DPP10: variants seen among roughly 807,000 people sequenced by gnomAD.
DPP10 encodes dipeptidyl peptidase like 10, also known as inactive dipeptidyl peptidase 10.
A neutral mutation model predicts 120.9 loss-of-function variants in DPP10; 33 were observed. The observed-to-expected ratio is 0.27, with a 90% CI of 0.21 to 0.37. DPP10 has a LOEUF of 0.37. DPP10 is among the 10% of genes least tolerant of loss of function. The pLI is 1.00. For missense variants in DPP10, 816 were observed against 942.8 expected (o/e 0.87, Z 1.76); for synonymous variants, 337 against 326.1 (o/e 1.03, Z -0.36).
intron 3 of DPP10, among the ~76,000 whole-genome samples, chr2:115,350,776 C>G (rs1380659473): frequency 6.6e-6 from 1 of 152,032 alleles, no homozygotes; most frequent in East Asian, 1.9e-4. Context: ...CTTTTTTCTT[C>G]CACTAATCCA....
intron 5 of DPP10, among the ~76,000 whole-genome samples, chr2:115,572,707 A>G (rs1314016691): frequency 6.6e-6 from 1 of 152,214 alleles, no homozygotes; most frequent in Non-Finnish European, 1.5e-5. Flanking sequence ...ATATTTCTCT[A>G]GGGACCTTTA....
rs573607838 is a variant in DPP10 at position 115,409,929 on chromosome 2, G to A, written c.271+66017G>A. ...ACTCGGGATTGGAAAACTCAACATC[G>A]TGTGTTCTCACATATAAGCAGGAGC... On this transcript the variant is annotated intron_variant, in intron 3 of 25. Transcript: ENST00000410059. Among the ~76,000 whole-genome samples the A allele has an allele frequency of 1.5e-4, 23 of 152,288 alleles. No homozygotes were observed. The South Asian group carries it at 2.5e-3, about 16-fold the overall frequency.
At chr2:115,664,534 C>T (rs113471232) in intron 5 of DPP10, among the ~76,000 whole-genome samples, 3,003 of 151,562 alleles carry the variant, frequency 0.02, 87 homozygotes, top group African/African-American at 0.067. Context: ...AAAAAAAAAA[C>T]TAATAATAAA....
intron 1 of DPP10, among the ~76,000 whole-genome samples, chr2:114,828,023 T>C (rs1686721354): frequency 6.6e-6 from 1 of 152,076 alleles, no homozygotes; most frequent in East Asian, 1.9e-4. Flanking sequence ...TTTATTTATT[T>C]ATTCATTTTG....
chr2:114,725,857 A>T (rs1397461929), intron 1 of DPP10, among the ~76,000 whole-genome samples: 1 of 152,184 alleles, frequency 6.6e-6, no homozygotes, highest in Non-Finnish European at 1.5e-5. Context: ...ACTTCCCTGC[A>T]TCTCCTAAAC....
chr2:115,165,713 C>G (rs570333433), intron 1 of DPP10, among the ~76,000 whole-genome samples: 1 of 152,148 alleles, frequency 6.6e-6, no homozygotes, highest in African/African-American at 2.4e-5. Context: ...ACATTTCCAC[C>G]AGGTGGCACC....
chr2:114,508,034 T>C (rs1311084917), intron 1 of DPP10, among the ~76,000 whole-genome samples: 1 of 152,158 alleles, frequency 6.6e-6, no homozygotes, highest in African/African-American at 2.4e-5. Flanking sequence ...CTTTCCTCTT[T>C]CTTTCCTTTC....
chr2:115,075,095 C>G (rs1348952859), intron 1 of DPP10, among the ~76,000 whole-genome samples: 1 of 152,132 alleles, frequency 6.6e-6, no homozygotes, highest in Admixed American at 6.6e-5. Flanking sequence ...CCAGTGAAGC[C>G]ATGAGTGTGG....
intron 4 of DPP10, among the ~76,000 whole-genome samples, chr2:115,519,993 G>A (rs2077709643): frequency 6.6e-6 from 1 of 152,146 alleles, no homozygotes; most frequent in African/African-American, 2.4e-5. Context: ...ATGAGATTGA[G>A]TAGTGAGGGA....
At chr2:114,831,729 G>C (rs954488901) in intron 1 of DPP10, among the ~76,000 whole-genome samples, 4 of 151,948 alleles carry the variant, frequency 2.6e-5, no homozygotes, top group Non-Finnish European at 5.9e-5. Flanking sequence ...AAGTTGCAGA[G>C]TACAATTTAA....
At chr2:114,492,916 AG>A in intron 1 of DPP10, among the ~76,000 whole-genome samples, 2 of 152,320 alleles carry the variant, frequency 1.3e-5, no homozygotes, top group Admixed American at 1.3e-4. Flanking sequence ...CTGGGGACAC[AG>A]GTATGAGCAG....
Position 115,343,871 on chromosome 2 carries a change from A to G in DPP10, c.230A>G (p.Lys77Arg), listed in dbSNP as rs773562921. Reference protein sequence around the residue: ...TRLSLEDLFRKDFVLHDPEAR... With the variant: ...TRLSLEDLFRRDFVLHDPEAR... ...TTGTCTTTGGAAGACCTCTTTAGGA[A>G]AGACTTTGTGCTTCACGATCCAGAG... The change falls in exon 3 of 26, where the codon AAA becomes AGA. Residue 77 changes from lysine to arginine, a missense_variant. Around this residue, in one of 3 missense-constraint regions of DPP10, gnomAD observed 182 missense variants for 207.4 expected, o/e 0.88. Transcript: ENST00000410059. 3 of 1,612,138 alleles carry G rather than the reference A, an allele frequency of 1.9e-6. No homozygotes were observed. The highest frequency in any genetic ancestry group is 3.3e-5 in the Admixed American group (2 of 59,828).
intron 3 of DPP10, among the ~76,000 whole-genome samples, chr2:115,444,960 C>T (rs116061274): frequency 0.011 from 1,746 of 152,174 alleles, 38 homozygotes; most frequent in African/African-American, 0.041. Context: ...GTGTAATCCC[C>T]GTGTGTCAAG....
At chr2:115,486,450 C>T (rs1350582560) in intron 3 of DPP10, among the ~76,000 whole-genome samples, 1 of 152,098 alleles carries the variant, frequency 6.6e-6, no homozygotes, top group Non-Finnish European at 1.5e-5. Context: ...TGTATCACTG[C>T]AGTGTAGAGT....
intron 1 of DPP10, among the ~76,000 whole-genome samples, chr2:114,787,994 GAAA>G: frequency 6.6e-6 from 1 of 152,130 alleles, no homozygotes; most frequent in Middle Eastern, 3.4e-3. Flanking sequence ...ACAATAACTG[GAAA>G]TGACTTTTCT....
chr2:115,343,664 A>G (rs964598447), intron 2 of DPP10, among the ~76,000 whole-genome samples, 153 bp from the exon 3 acceptor site: 1 of 152,124 alleles, frequency 6.6e-6, no homozygotes, highest in African/African-American at 2.4e-5. Context: ...GTCATTAAAC[A>G]AAGTTCAAAT....
At chr2:115,177,995 C>T (rs1012032007) in intron 1 of DPP10, among the ~76,000 whole-genome samples, 1 of 152,174 alleles carries the variant, frequency 6.6e-6, no homozygotes, top group Non-Finnish European at 1.5e-5. Context: ...GATCTCCTGA[C>T]CTCGTGATCC....
chr2:115,517,352 C>T (rs1243824737), intron 4 of DPP10, among the ~76,000 whole-genome samples: 1 of 151,968 alleles, frequency 6.6e-6, no homozygotes, highest in African/African-American at 2.4e-5. Context: ...TATTTATATC[C>T]TTGGGTTTCT....
At chr2:115,657,852 G>T (rs973169478) in intron 5 of DPP10, among the ~76,000 whole-genome samples, 1 of 151,806 alleles carries the variant, frequency 6.6e-6, no homozygotes, top group East Asian at 1.9e-4. Context: ...TTAAACAGAA[G>T]AAACAACCTT....
Sources: gnomAD v4.1 joint callset for allele counts (sites outside exome capture counted in the v4.1 genomes callset) on GRCh38, gnomAD v4.1.1 for gene constraint, gnomAD v4.1.1 regional missense constraint, MANE v1.5 for transcripts, NCBI Gene and HGNC (gene_info 2026-07-23, HGNC 2026-07-21) for gene names.